MAGI3: variants seen among roughly 807,000 people sequenced by gnomAD.
MAGI3 encodes the protein membrane-associated guanylate kinase, WW and PDZ domain-containing protein 3.
In MAGI3, 43 loss-of-function variants were observed where a neutral mutation model predicts 121.8. The ratio of observed to expected loss-of-function variants is 0.35; its 90% CI spans 0.28 to 0.46. The LOEUF is 0.46. Among genes scored for constraint, MAGI3 ranks in the 20% least tolerant of loss-of-function variants. The pLI, the probability that MAGI3 is intolerant of heterozygous loss-of-function variation, is 1.00. For synonymous variants in MAGI3, 553 were observed against 639.3 expected (o/e 0.86, Z 2.04); for missense variants, 1,547 against 1,797.3 (o/e 0.86, Z 2.52).
chr1:113,654,311 G>T (rs1364243614), intron 15 of MAGI3, among the ~76,000 whole-genome samples: 1 of 152,150 alleles, frequency 6.6e-6, no homozygotes, highest in Non-Finnish European at 1.5e-5. Flanking sequence ...TTAATGAAAG[G>T]TATAATGCTG....
chr1:113,661,567 TC>T (rs1255479158), intron 16 of MAGI3, among the ~76,000 whole-genome samples: 1 of 152,204 alleles, frequency 6.6e-6, no homozygotes, highest in African/African-American at 2.4e-5. Flanking sequence ...CAGTAACTTT[TC>T]CCCCAAAATT....
intron 9 of MAGI3, among the ~76,000 whole-genome samples, chr1:113,624,084 T>G (rs1406259344): frequency 6.6e-6 from 1 of 152,192 alleles, no homozygotes; most frequent in Non-Finnish European, 1.5e-5. Context: ...ATATGTACCA[T>G]GTTTTCTTTA....
At chr1:113,489,384 A>G (rs1394099073) in intron 1 of MAGI3, among the ~76,000 whole-genome samples, 1 of 152,166 alleles carries the variant, frequency 6.6e-6, no homozygotes, top group Non-Finnish European at 1.5e-5. Flanking sequence ...GAAAAAACAA[A>G]CACCCAAAGG....
chr1:113,445,297 A>T (rs1231084193), intron 1 of MAGI3, among the ~76,000 whole-genome samples: 1 of 152,166 alleles, frequency 6.6e-6, no homozygotes, highest in Non-Finnish European at 1.5e-5. Context: ...GACCCACACC[A>T]AGGCACATAA....
chr1:113,665,665 T>C (rs1654006050), intron 16 of MAGI3, among the ~76,000 whole-genome samples: 1 of 152,206 alleles, frequency 6.6e-6, no homozygotes, highest in African/African-American at 2.4e-5. Context: ...TCATGGACTG[T>C]ATTTCCAATT....
Position 113,646,552 on chromosome 1 carries a change from C to G in MAGI3, c.2065C>G (p.Pro689Ala). ...AAATGAGCCTATTCCTCAGCCTATG[C>G]CTTTTCCACCGAGCATTATCAGGTC... ...AINEPIPQPM[P>A]FPPSIIRSGS... Residue 689 changes from proline to alanine, a missense_variant, in exon 12 of 21, where the codon CCT (proline) becomes GCT (alanine). By Grantham distance (27) the Pro-to-Ala change is conservative (BLOSUM62 -1). Transcript: ENST00000307546. The G allele has an allele frequency of 6.2e-7, 1 of 1,613,370 alleles. No homozygotes were observed. The highest frequency in any genetic ancestry group is 8.5e-7 in the Non-Finnish European group (1 of 1,179,542).
At chr1:113,408,148 T>C (rs1290632653) in intron 1 of MAGI3, among the ~76,000 whole-genome samples, 1 of 152,172 alleles carries the variant, frequency 6.6e-6, no homozygotes, top group Non-Finnish European at 1.5e-5. Context: ...AGTTCCGTAC[T>C]TCAAAGTAAT....
At chr1:113,443,645 G>A (rs114952009) in intron 1 of MAGI3, among the ~76,000 whole-genome samples, 8 of 152,172 alleles carry the variant, frequency 5.3e-5, no homozygotes, top group South Asian at 2.1e-4. Context: ...AATCCCATCC[G>A]TAGTTTTTGT....
At chr1:113,600,529 C>G (rs574125049) in intron 6 of MAGI3, among the ~76,000 whole-genome samples, 3 of 152,162 alleles carry the variant, frequency 2.0e-5, no homozygotes, top group South Asian at 4.2e-4. Flanking sequence ...CATGAAGGAC[C>G]TCTTCAAGGA....
chr1:113,627,122 G>T (rs989268412), intron 9 of MAGI3, among the ~76,000 whole-genome samples: 2 of 151,732 alleles, frequency 1.3e-5, no homozygotes, highest in African/African-American at 4.8e-5. Context: ...GTTTTGGTGT[G>T]TTTTGTTTCC....
chr1:113,562,419 G>C (rs1660277369), intron 2 of MAGI3, among the ~76,000 whole-genome samples: 2 of 152,076 alleles, frequency 1.3e-5, no homozygotes, highest in African/African-American at 4.8e-5. Context: ...AGAAATCAGA[G>C]ATGATGACAC....
chr1:113,564,413 T>C (rs548182636), intron 2 of MAGI3, among the ~76,000 whole-genome samples: 127 of 152,324 alleles, frequency 8.3e-4, no homozygotes, highest in African/African-American at 2.9e-3. Context: ...CACTGTAGTT[T>C]AGGATAGATT....
chr1:113,521,674 G>A (rs1658206619), intron 1 of MAGI3, among the ~76,000 whole-genome samples: 1 of 152,134 alleles, frequency 6.6e-6, no homozygotes, highest in Non-Finnish European at 1.5e-5. Context: ...CCAAAGTGCT[G>A]GGATTATAGG....
At chr1:113,542,108 TC>T (rs1228331491) in intron 1 of MAGI3, among the ~76,000 whole-genome samples, 2 of 151,678 alleles carry the variant, frequency 1.3e-5, no homozygotes, top group Non-Finnish European at 2.9e-5. Flanking sequence ...TGTACAGTAG[TC>T]CCCCCCTCCT....
intron 14 of MAGI3, among the ~76,000 whole-genome samples, chr1:113,652,889 A>G (rs900182003): frequency 1.3e-5 from 2 of 152,144 alleles, no homozygotes; most frequent in Non-Finnish European, 2.9e-5. Context: ...TTAATTGGCC[A>G]TTTGTCAGGA....
chr1:113,557,464 G>A (rs994914278), intron 2 of MAGI3, among the ~76,000 whole-genome samples: 2 of 152,032 alleles, frequency 1.3e-5, no homozygotes, highest in African/African-American at 4.8e-5. Flanking sequence ...GTTTCTTTAA[G>A]CGGGACTCTG....
intron 1 of MAGI3, among the ~76,000 whole-genome samples, chr1:113,506,549 G>A (rs1657337161): frequency 6.6e-6 from 1 of 151,768 alleles, no homozygotes; most frequent in African/African-American, 2.4e-5. Context: ...ACCACTTATT[G>A]TTTATCATGT....
At position 113,666,960 on chromosome 1, in the gene MAGI3, CT is replaced by C. The variant is rs1393942683; in HGVS notation, c.2816-4767del. On this transcript the variant is annotated intron_variant, in intron 16 of 20. Coordinates refer to ENST00000307546, the MANE Select transcript of MAGI3 (RefSeq NM_001142782.2). ...TAAGCAGTAATATTTTGAAAGGAATCTTTTTTTCTGAGCAGTAGGTCTCAAC... is the reference window on the plus strand; with the variant it reads ...TAAGCAGTAATATTTTGAAAGGAATCTTTTTTCTGAGCAGTAGGTCTCAAC... Among the ~76,000 whole-genome samples the C allele has an allele frequency of 2.0e-5, 3 of 152,280 alleles. No individual in the cohort carries two copies. In the South Asian group the frequency reaches 6.2e-4, roughly 32 times the overall value.
chr1:113,660,733 G>C (rs1033646554), intron 16 of MAGI3, among the ~76,000 whole-genome samples: 1 of 150,590 alleles, frequency 6.6e-6, no homozygotes, highest in African/African-American at 2.5e-5. Flanking sequence ...TCTGACCTCA[G>C]CGTCCTGAGT....
Sources: allele counts gnomAD v4.1 joint callset (sites outside exome capture counted in the v4.1 genomes callset), GRCh38; gene constraint gnomAD v4.1.1; transcripts MANE v1.5; gene names NCBI Gene and HGNC (gene_info 2026-07-23, HGNC 2026-07-21).